Variants in RIPOR1 observed in about 807,000 individuals in gnomAD.
The protein encoded by RIPOR1 is RHO family interacting cell polarization regulator 1.
A neutral mutation model predicts 116.5 loss-of-function variants in RIPOR1; 58 were observed. That is an observed-to-expected ratio of 0.50 (90% confidence interval 0.40 to 0.62). The LOEUF (loss-of-function observed/expected upper bound fraction) is 0.62, where lower values mean the gene tolerates loss of function less well. Ranked by LOEUF, RIPOR1 falls within the 20% of genes least tolerant of loss-of-function variation. RIPOR1 has a pLI of 0.00. For missense variants in RIPOR1, 1,372 were observed against 1,586.2 expected (o/e 0.86, Z 2.29); for synonymous variants, 605 against 650.0 (o/e 0.93, Z 1.05).
Position 67,538,711 on chromosome 16 carries a change from G to T in RIPOR1, c.144G>T (p.Lys48Asn), listed in dbSNP as rs760718190. Residue 48 changes from lysine (K) to asparagine (N), a missense_variant, in exon 3 of 22, where the codon AAG (lysine) becomes AAT (asparagine). Transcript: ENST00000042381. ...TCAGCCCGCCGGGGCCCCCACGGAA[G>T]CCCCCCGCGCTCTCCCGAGTGTCCA... Reference protein sequence around the residue: ...PVFSPPGPPRKPPALSRVSRM... With the variant: ...PVFSPPGPPRNPPALSRVSRM... 7 of 1,613,184 alleles carry T rather than the reference G, an allele frequency of 4.3e-6. No homozygotes were observed. Among genetic ancestry groups the T allele is most frequent in the Non-Finnish European group, 5.9e-6 (7 of 1,179,900 alleles).
At position 67,519,291 on chromosome 16, in the gene RIPOR1, A is replaced by C. The variant is rs538967480; in HGVS notation, c.-24+678A>C. 3.9e-5 allele frequency among the ~76,000 whole-genome samples: 6 copies of C among 151,970 alleles called. 1 individual carries two copies. Among genetic ancestry groups the C allele is most frequent in the South Asian group, 2.1e-4 (1 of 4,824 alleles). On this transcript the variant is annotated intron_variant, in intron 1 of 1. Coordinates refer to the RIPOR1 transcript ENST00000562116. ...AAAGACTCTGTTTCAAAAAAAAAAA[A>C]AAAACACTTCAGGGCCCACCCTGTG... is the stretch of plus-strand genomic sequence containing the variant.
intron 6 of RIPOR1, 76 bp downstream of exon 6, chr16:67,539,975 T>C: frequency 1.9e-6 from 3 of 1,613,732 alleles, no homozygotes; most frequent in Non-Finnish European, 2.5e-6. Context: ...TGCCAGGCCC[T>C]GGGTGAGCAA....
Position 67,539,747 on chromosome 16 carries a change from A to T in RIPOR1, c.356A>T (p.Asp119Val). The change falls in exon 5 of 22, where the codon GAC becomes GTC. Residue 119 changes from aspartate to valine, a missense_variant. Transcript: ENST00000042381. ...CTGCAGGGCTTCCTGTATGATCTGG[A>T]CAAGGTGAGTATGCATGGAATGGTA... ...NSRLGFLYDL[D>V]KQVKSIERFL... is the part of the protein sequence containing the mutation. The T allele has an allele frequency of 6.2e-7, 1 of 1,614,122 alleles. No individual in the cohort carries two copies. The highest frequency in any genetic ancestry group is 1.3e-5 in the African/African-American group (1 of 75,008).
chr16:67,541,239 T>A lies in RIPOR1; in HGVS notation c.802-191T>A. On this transcript the variant is annotated intron_variant, in intron 10 of 21. Coordinates refer to ENST00000042381, the MANE Select transcript of RIPOR1 (RefSeq NM_024519.4). This position sits in a 1 kb window ranked among gnomAD's most constrained non-coding sequence, Gnocchi z 4.6. ...CCACCATGCCTGGCTAAAAATTTTTTTTTTTTTTTTTTTTGAGACAGAGTC... is the reference window on the plus strand; with the variant it reads ...CCACCATGCCTGGCTAAAAATTTTTATTTTTTTTTTTTTTGAGACAGAGTC... The A allele has an allele frequency of 1.9e-6, 1 of 521,470 alleles. No individual in the cohort carries two copies. Among genetic ancestry groups the A allele is most frequent in the Non-Finnish European group, 3.2e-6 (1 of 315,568 alleles). 32.3% of individuals were successfully genotyped at this position (521,470 alleles called of 1,614,324 possible).
rs749632668 is a variant in RIPOR1 at position 67,540,338 on chromosome 16, G to A, written c.606G>A (p.Leu202=). 4 of 1,614,154 alleles carry A rather than the reference G, an allele frequency of 2.5e-6. No homozygotes were observed. The South Asian group carries it at 4.4e-5, about 18-fold the overall frequency. The change falls in exon 8 of 22, where the codon CTG becomes CTA. Residue 202 remains leucine (L), a synonymous_variant. Coordinates refer to ENST00000042381, the MANE Select transcript of RIPOR1 (RefSeq NM_024519.4). This position sits in a 1 kb window ranked among gnomAD's most constrained non-coding sequence, Gnocchi z 4.7. ...CLLESELEAQ[L]GEFHLRMKGL... is the part of the protein sequence containing the mutation. Reference sequence around the variant, plus strand: ...TGGAGAGCGAGCTGGAGGCACAGCTGGGCGAGTTTCATCTCCGAATGAAAG... The same window carrying A: ...TGGAGAGCGAGCTGGAGGCACAGCTAGGCGAGTTTCATCTCCGAATGAAAG...
chr16:67,544,486 T>G lies in RIPOR1; in HGVS notation c.2733+55T>G. The G allele has an allele frequency of 6.4e-7, 1 of 1,567,556 alleles. No homozygotes were observed. The highest frequency in any genetic ancestry group is 2.3e-5 in the East Asian group (1 of 44,224). Reference sequence around the variant, plus strand: ...CTTTGTAACCCCTAACCCCAGGGAGTCCTGCCCTTCCATCCTGGTCCTCTA... The same window carrying G: ...CTTTGTAACCCCTAACCCCAGGGAGGCCTGCCCTTCCATCCTGGTCCTCTA... On this transcript the variant is annotated intron_variant, in intron 15 of 21. Coordinates refer to ENST00000042381, the MANE Select transcript of RIPOR1 (RefSeq NM_024519.4). The surrounding 1 kb of genome is among the most constrained non-coding windows in gnomAD (Gnocchi z 5.1).
Position 67,531,558 on chromosome 16 carries a change from C to T in RIPOR1, c.-24+2644C>T. ...GGGTAGACTTGAGGAAGGAGAGGGACTTGGGGCTGAGTAGTGGGAAGAAGG... is the reference window on the plus strand; with the variant it reads ...GGGTAGACTTGAGGAAGGAGAGGGATTTGGGGCTGAGTAGTGGGAAGAAGG... On this transcript the variant is annotated intron_variant, in intron 1 of 21. Transcript: ENST00000042381. This position sits in a 1 kb window ranked among gnomAD's most constrained non-coding sequence, Gnocchi z 4.2. 1 of 449,174 alleles carries T rather than the reference C, an allele frequency of 2.2e-6. No individual in the cohort carries two copies. The allele number at this position is 449,174 out of a possible 1,614,324, so 27.8% of individuals were successfully genotyped here.
chr16:67,539,011 G>A lies in RIPOR1; in HGVS notation c.279G>A (p.Gln93=). ...TCAGGGCCTACTTGGAAGTGCACCA[G>A]CAGGAGCAAGAGAAACTCCAGGGGC... ...RGLTAYLEVH[Q]QEQEKLQGQI... is the part of the protein sequence containing the mutation. The change falls in exon 4 of 22, where the codon CAG becomes CAA. Residue 93 remains glutamine, a synonymous_variant. Transcript: ENST00000042381. The A allele has an allele frequency of 6.2e-7, 1 of 1,613,728 alleles. No individual in the cohort carries two copies.
In RIPOR1 at chr16:67,545,002, C is replaced by T. The variant is rs764945992; in HGVS notation, c.2916C>T (p.Asp972=). The change falls in exon 17 of 22, where the codon GAC becomes GAT. Residue 972 remains aspartate (D), a synonymous_variant. Transcript: ENST00000042381. The surrounding 1 kb of genome is among the most constrained non-coding windows in gnomAD (Gnocchi z 4.8). Reference sequence around the variant, plus strand: ...GGCCTGGCTTCCTGACCTTCTGGGACCAGTGCACAGAGAGACTCAGCTGCT... The same window carrying T: ...GGCCTGGCTTCCTGACCTTCTGGGATCAGTGCACAGAGAGACTCAGCTGCT... ...ASRPGFLTFW[D]QCTERLSCFL... The T allele has an allele frequency of 5.0e-6, 8 of 1,613,462 alleles. No homozygotes were observed. The African/African-American group carries it at 9.3e-5, about 19-fold the overall frequency.
rs372452161 is a variant in RIPOR1, at chr16:67,540,167, C to T, written c.529C>T (p.Leu177=). 1 of 1,614,190 alleles carries T rather than the reference C, an allele frequency of 6.2e-7. No individual in the cohort carries two copies. ...SPGSREARDS[L]AEATRGHREY... is the part of the protein sequence containing the mutation. Reference sequence around the variant, plus strand: ...GGGAAGCCGAGAGGCCCGGGACAGCCTGGCAGAGGCCACTCGGGGGCATCG... The same window carrying T: ...GGGAAGCCGAGAGGCCCGGGACAGCTTGGCAGAGGCCACTCGGGGGCATCG... Residue 177 remains leucine, a synonymous_variant, in exon 7 of 22, where the codon CTG becomes TTG. Coordinates refer to ENST00000042381, the MANE Select transcript of RIPOR1 (RefSeq NM_024519.4). The surrounding 1 kb of genome is among the most constrained non-coding windows in gnomAD (Gnocchi z 4.7).
chr16:67,533,591 A>G (rs899989439), intron 1 of RIPOR1, among the ~76,000 whole-genome samples: 2 of 151,964 alleles, frequency 1.3e-5, no homozygotes, highest in Non-Finnish European at 2.9e-5. Flanking sequence ...GATAAGGATA[A>G]AACATGGGCA....
At chr16:67,532,518 A>T (rs1339636906) in intron 1 of RIPOR1, among the ~76,000 whole-genome samples, 2 of 152,060 alleles carry the variant, frequency 1.3e-5, no homozygotes, top group South Asian at 4.1e-4. Flanking sequence ...CCTACCCCAC[A>T]TACAATTCTC....
At chr16:67,526,310 T>G (rs529225177), upstream of RIPOR1, among the ~76,000 whole-genome samples, 3 of 152,138 alleles carry the variant, frequency 2.0e-5, no homozygotes, top group East Asian at 5.8e-4. Flanking sequence ...AGCTGCAGGC[T>G]GGGAGTGTAG....
intron 4 of RIPOR1, 72 bp from the exon 5 acceptor site, chr16:67,539,656 C>G: frequency 6.4e-7 from 1 of 1,565,286 alleles, no homozygotes; most frequent in South Asian, 1.1e-5. Context: ...GGAGCTGTGA[C>G]GAGTCTGAGT....
chr16:67,537,124 A>G lies in RIPOR1; in HGVS notation c.-23-1300A>G, dbSNP rs2050814154. ...GAGACGGGGTTTCACCTTGTTGGTC[A>G]GGCTGATCTCGAATTCCTGACCTCG... On this transcript the variant is annotated intron_variant, in intron 1 of 21. Transcript: ENST00000042381. The surrounding 1 kb of genome is among the most constrained non-coding windows in gnomAD (Gnocchi z 4.6). Among the ~76,000 whole-genome samples the G allele has an allele frequency of 6.6e-6, 1 of 152,118 alleles. No individual in the cohort carries two copies. The highest frequency in any genetic ancestry group is 1.5e-5 in the Non-Finnish European group (1 of 68,006).
At chr16:67,525,448 A>G (rs1437333557), upstream of RIPOR1, among the ~76,000 whole-genome samples, 2 of 151,994 alleles carry the variant, frequency 1.3e-5, no homozygotes, top group African/African-American at 4.8e-5. Context: ...CTTCTATTCT[A>G]TCTGTTCACA....
In RIPOR1 at chr16:67,546,451, C is replaced by G. The variant is rs2051172670; in HGVS notation, c.3648C>G (p.Ser1216Arg). ...TCTTTGGGCCTGGCAGCATGGCCAG[C>G]ACAGCATTCTAAACTATTCACCCAT... is the stretch of plus-strand genomic sequence containing the variant. ...PRIFGPGSMA[S>R]TAF Residue 1216 changes from serine to arginine, a missense_variant, in exon 22 of 22, where the codon AGC (serine) becomes AGG (arginine). Physicochemically the swap from Ser to Arg is moderately radical, Grantham distance 110. Coordinates refer to ENST00000042381, the MANE Select transcript of RIPOR1 (RefSeq NM_024519.4). 1.9e-6 allele frequency: 3 copies of G among 1,613,818 alleles called. No homozygotes were observed. The highest frequency in any genetic ancestry group is 1.1e-5 in the South Asian group (1 of 91,088).
Position 67,542,254 on chromosome 16 carries a change from C to T in RIPOR1, c.1468C>T (p.His490Tyr). Reference sequence around the variant, plus strand: ...ACACCCAGCTCCCACCCATGGAGAGCACCCCAGTCCTGTTCCTCCTGCCCT... The same window carrying T: ...ACACCCAGCTCCCACCCATGGAGAGTACCCCAGTCCTGTTCCTCCTGCCCT... The part of the protein sequence containing the change: ...PTHPAPTHGE[H>Y]PSPVPPALDP... The change falls in exon 13 of 22, where the codon CAC (histidine) becomes TAC (tyrosine). Residue 490 changes from histidine to tyrosine, a missense_variant. His to Tyr is a moderately conservative substitution (Grantham distance 83). Transcript: ENST00000042381. The surrounding 1 kb of genome is among the most constrained non-coding windows in gnomAD (Gnocchi z 4.6). 1 of 1,613,572 alleles carries T rather than the reference C, an allele frequency of 6.2e-7. No individual in the cohort carries two copies. The highest frequency in any genetic ancestry group is 1.1e-5 in the South Asian group (1 of 91,072).
In RIPOR1 at chr16:67,529,952, T is replaced by G; in HGVS notation, c.-24+1038T>G. 1 of 821,756 alleles carries G rather than the reference T, an allele frequency of 1.2e-6. No homozygotes were observed. Among genetic ancestry groups the G allele is most frequent in the Non-Finnish European group, 2.0e-6 (1 of 494,804 alleles). 50.9% of individuals were successfully genotyped at this position (821,756 alleles called of 1,614,324 possible). A position where few individuals can be genotyped will look rare whatever the true frequency, so the allele number is the denominator to read the frequency against. On this transcript the variant is annotated intron_variant, in intron 1 of 21. Transcript: ENST00000042381. This position sits in a 1 kb window ranked among gnomAD's most constrained non-coding sequence, Gnocchi z 4.1. The stretch of plus-strand genomic sequence containing the variant: ...CCTGCGACACCCACCTCCGTGGTAT[T>G]GGAGGGAGGAGAGGAATGATAATTG...
Sources: gnomAD v4.1 joint callset for allele counts (sites outside exome capture counted in the v4.1 genomes callset) on GRCh38, gnomAD v4.1.1 for gene constraint, Gnocchi (gnomAD v3.1) non-coding constraint, MANE v1.5 for transcripts, NCBI Gene and HGNC (gene_info 2026-07-23, HGNC 2026-07-21) for gene names.